Variants in CHN2 observed in about 807,000 individuals in gnomAD.
CHN2 encodes the protein beta-chimaerin.
A neutral mutation model predicts 56.3 loss-of-function variants in CHN2; 35 were observed. That is an observed-to-expected ratio of 0.62 (90% CI 0.47 to 0.82). The LOEUF (loss-of-function observed/expected upper bound fraction) is 0.82, where lower values mean the gene tolerates loss of function less well. Ranked by LOEUF, CHN2 falls within the 40% of genes least tolerant of loss-of-function variation. The pLI, the probability that CHN2 is intolerant of heterozygous loss-of-function variation, is 0.00. For missense variants in CHN2, 491 were observed against 580.5 expected (o/e 0.85, Z 1.58); for synonymous variants, 210 against 212.8 (o/e 0.99, Z 0.12).
intron 1 of CHN2, among the ~76,000 whole-genome samples, chr7:29,352,664 A>G (rs1797978010): frequency 6.6e-6 from 1 of 152,194 alleles, no homozygotes; most frequent in Non-Finnish European, 1.5e-5. Context: ...CAGAGGTTGC[A>G]GTGAGCCAAG....
intron 1 of CHN2, among the ~76,000 whole-genome samples, chr7:29,293,363 C>G (rs1792813138): frequency 1.1e-3 from 4 of 3,612 alleles, no homozygotes; most frequent in South Asian, 9.3e-3. Context: ...GCAGCTAATG[C>G]CCCCCCCCCC....
intron 3 of CHN2, among the ~76,000 whole-genome samples, chr7:29,373,139 G>T (rs1181648006): frequency 1.3e-5 from 2 of 151,882 alleles, no homozygotes; most frequent in Admixed American, 6.6e-5. Flanking sequence ...TTTTCTTGAT[G>T]GTCAGAAGTT....
intron 1 of CHN2, among the ~76,000 whole-genome samples, chr7:29,254,733 ATC>A (rs914261242): frequency 6.6e-6 from 1 of 152,152 alleles, no homozygotes; most frequent in Non-Finnish European, 1.5e-5. Context: ...GGAGGGGCCA[ATC>A]TCTCTGTACA....
intron 6 of CHN2, chr7:29,480,028 T>C: frequency 6.6e-7 from 1 of 1,523,972 alleles, no homozygotes; most frequent in Non-Finnish European, 8.8e-7. Context: ...CCGCCTAACA[T>C]AAGCTGCGGT....
At chr7:29,273,111 C>T (rs1459125478) in intron 1 of CHN2, among the ~76,000 whole-genome samples, 1 of 151,752 alleles carries the variant, frequency 6.6e-6, no homozygotes, top group Non-Finnish European at 1.5e-5. Flanking sequence ...TCCGTTTTCT[C>T]TCCCCCACCC....
chr7:29,152,474 C>T (rs920192543), intron 2 of CHN2, among the ~76,000 whole-genome samples: 17 of 152,168 alleles, frequency 1.1e-4, no homozygotes. Flanking sequence ...GTCATAACAA[C>T]TTACCCACTC....
At chr7:29,493,635 T>C (rs1788903570) in intron 7 of CHN2, among the ~76,000 whole-genome samples, 1 of 152,136 alleles carries the variant, frequency 6.6e-6, no homozygotes, top group South Asian at 2.1e-4. Context: ...GTTCCTAAGC[T>C]AGAATCTCAG....
At chr7:29,509,185 C>T in intron 11 of CHN2, 116 bp from the exon 12 acceptor site, 2 of 718,564 alleles carry the variant, frequency 2.8e-6, no homozygotes, top group Non-Finnish European at 4.9e-6. Flanking sequence ...GCTTGGATTG[C>T]ATGAATTTAT....
intron 2 of CHN2, among the ~76,000 whole-genome samples, chr7:29,161,684 A>T (rs1306221758): frequency 1.3e-5 from 2 of 152,246 alleles, no homozygotes; most frequent in African/African-American, 4.8e-5. Context: ...TTAAAAATAG[A>T]TACTTAAAAA....
chr7:29,164,708 G>A (rs1795660546), intron 2 of CHN2, among the ~76,000 whole-genome samples: 1 of 146,774 alleles, frequency 6.8e-6, no homozygotes, highest in Non-Finnish European at 1.5e-5. Context: ...TTGAACCTGG[G>A]AGGCGGAGGT....
intron 6 of CHN2, among the ~76,000 whole-genome samples, chr7:29,423,994 G>A (rs1804599134): frequency 1.3e-5 from 2 of 152,274 alleles, no homozygotes; most frequent in South Asian, 4.2e-4. Context: ...CACTCATGGT[G>A]GGCTACTTGG....
intron 1 of CHN2, among the ~76,000 whole-genome samples, chr7:29,350,971 A>G (rs1413009323): frequency 7.2e-5 from 11 of 152,124 alleles, no homozygotes; most frequent in Admixed American, 6.5e-4. Context: ...AGCCGGTTGC[A>G]GTGATGGGCA....
chr7:29,395,577 G>A (rs1585252506), intron 4 of CHN2, among the ~76,000 whole-genome samples: 1 of 152,040 alleles, frequency 6.6e-6, no homozygotes, highest in Non-Finnish European at 1.5e-5. Context: ...ATAGAAGAGG[G>A]AAAATACCCA....
intron 1 of CHN2, among the ~76,000 whole-genome samples, chr7:29,262,036 C>T (rs541278448): frequency 2.0e-5 from 3 of 152,128 alleles, no homozygotes; most frequent in East Asian, 1.9e-4. Flanking sequence ...GGCATGGTGG[C>T]GTGAGCCTGT....
chr7:29,309,130 CAT>C (rs981075445), intron 1 of CHN2, among the ~76,000 whole-genome samples: 1 of 152,170 alleles, frequency 6.6e-6, no homozygotes, highest in African/African-American at 2.4e-5. Context: ...ATAAATAGGT[CAT>C]AGTCTTTTAC....
intron 1 of CHN2, among the ~76,000 whole-genome samples, chr7:29,223,901 A>T (rs1785989978): frequency 6.6e-6 from 1 of 152,184 alleles, no homozygotes; most frequent in Non-Finnish European, 1.5e-5. Context: ...TTTAGTTGCG[A>T]TGTATTGACA....
chr7:29,304,999 G>A (rs1251800104), intron 1 of CHN2, among the ~76,000 whole-genome samples: 1 of 152,152 alleles, frequency 6.6e-6, no homozygotes, highest in Non-Finnish European at 1.5e-5. Flanking sequence ...TGTGAGCCAG[G>A]CCCCAAGGTC....
chr7:29,512,900 A>C lies in CHN2; in HGVS notation c.*165A>C. ...GTACTGTGTCTCATAGACATGCGCCACCTCCACGTGAGAACAAGGGTGAAG... is the reference window on the plus strand; with the variant it reads ...GTACTGTGTCTCATAGACATGCGCCCCCTCCACGTGAGAACAAGGGTGAAG... On this transcript the variant is annotated 3_prime_UTR_variant, in exon 13 of 13. Transcript: ENST00000222792. The C allele has an allele frequency of 4.5e-6, 3 of 665,030 alleles. No homozygotes were observed. Among genetic ancestry groups the C allele is most frequent in the Non-Finnish European group, 7.3e-6 (3 of 409,252 alleles). The allele number at this position is 665,030 out of a possible 1,614,324, so 41.2% of individuals were successfully genotyped here.
intron 9 of CHN2, among the ~76,000 whole-genome samples, chr7:29,500,242 A>G (rs1474296297): frequency 1.3e-5 from 2 of 152,140 alleles, no homozygotes; most frequent in African/African-American, 4.8e-5. Context: ...TATATAAACC[A>G]TGCATATATG....
Sources: gnomAD v4.1 joint callset for allele counts (sites outside exome capture counted in the v4.1 genomes callset) on GRCh38, gnomAD v4.1.1 for gene constraint, MANE v1.5 for transcripts, NCBI Gene and HGNC (gene_info 2026-07-23, HGNC 2026-07-21) for gene names.